The following N4BP2 variants were observed in gnomAD, a reference collection of about 807,000 sequenced individuals.
N4BP2 encodes the protein NEDD4-binding protein 2.
Under a neutral mutation model 152.8 loss-of-function variants are expected in N4BP2, and 91 were observed. That is an observed-to-expected ratio of 0.60 (90% CI 0.50 to 0.71). N4BP2 has a LOEUF of 0.71. Among genes scored for constraint, N4BP2 ranks in the 30% least tolerant of loss-of-function variants. The probability of loss-of-function intolerance (pLI) is 0.00; values close to 1 mark genes in which losing one functional copy is unlikely to be tolerated. For synonymous variants in N4BP2, 646 were observed against 705.3 expected (o/e 0.92, Z 1.33); for missense variants, 1,923 against 2,059.1 (o/e 0.93, Z 1.28).
chr4:40,128,273 T>C (rs1401699767), intron 12 of N4BP2, among the ~76,000 whole-genome samples: 3 of 152,230 alleles, frequency 2.0e-5, no homozygotes, highest in Admixed American at 6.5e-5. Context: ...CACTTTCTTA[T>C]TCGTTTGACT....
chr4:40,091,981 C>CA lies in N4BP2; in HGVS notation c.-114-5220dup, dbSNP rs1189250112. ...TGGGTGATAGAGCAAGACCTTGTGT[C>CA]AAAAAAAAAAAAAAAAAAAAAAAAA... On this transcript the variant is annotated intron_variant, in intron 2 of 17. Transcript: ENST00000261435. 8.2e-3 allele frequency among the ~76,000 whole-genome samples: 164 copies of CA among 20,014 alleles called. 23 individuals are homozygous for CA. The highest frequency in any genetic ancestry group is 0.012 in the African/African-American group (65 of 5,252). 13.1% of individuals were successfully genotyped at this position (20,014 alleles called of 152,430 possible).
the N4BP2 span, among the ~76,000 whole-genome samples, chr4:40,183,100 T>C: frequency 2.3e-4 from 35 of 152,328 alleles, no homozygotes; most frequent in African/African-American, 6.7e-4. Flanking sequence ...TGCTTCCTCA[T>C]AGTCTTTGGA....
chr4:40,137,112 G>T, intron 14 of N4BP2, 30 bp downstream of exon 14: 1 of 1,538,894 alleles, frequency 6.5e-7, no homozygotes, highest in Non-Finnish European at 8.8e-7. Flanking sequence ...TTTTCTACAA[G>T]GGTAGATAAT....
At chr4:40,078,320 T>C (rs1288595822) in intron 2 of N4BP2, among the ~76,000 whole-genome samples, 2 of 152,016 alleles carry the variant, frequency 1.3e-5, no homozygotes, top group East Asian at 1.9e-4. Context: ...GTATCTTTAG[T>C]AGAGACAGGG....
At chr4:40,148,797 C>G (rs977296937) in intron 16 of N4BP2, among the ~76,000 whole-genome samples, 1 of 152,214 alleles carries the variant, frequency 6.6e-6, no homozygotes, top group Non-Finnish European at 1.5e-5. Flanking sequence ...GCCTGAGCCA[C>G]TGTGCCTGGT....
chr4:40,087,602 G>C (rs1714103955), intron 2 of N4BP2, among the ~76,000 whole-genome samples: 1 of 151,934 alleles, frequency 6.6e-6, no homozygotes, highest in African/African-American at 2.4e-5. Context: ...GGCCTCAAAT[G>C]ATCTGCCCAC....
intron 16 of N4BP2, among the ~76,000 whole-genome samples, chr4:40,148,628 C>A (rs935227141): frequency 6.6e-6 from 1 of 152,002 alleles, no homozygotes; most frequent in African/African-American, 2.4e-5. Context: ...CAGGATTTTC[C>A]CCTTTTAAAA....
At chr4:40,085,452 T>A (rs1281980316) in intron 2 of N4BP2, among the ~76,000 whole-genome samples, 1 of 152,126 alleles carries the variant, frequency 6.6e-6, no homozygotes, top group Non-Finnish European at 1.5e-5. Context: ...TTGATAGGAT[T>A]TATTTTTTAT....
Position 40,102,182 on chromosome 4 carries a change from G to T in N4BP2, c.337G>T (p.Glu113Ter). 2 of 1,613,876 alleles carry T rather than the reference G, an allele frequency of 1.2e-6. No homozygotes were observed. Among genetic ancestry groups the T allele is most frequent in the Non-Finnish European group, 1.7e-6 (2 of 1,179,896 alleles). ...VASENQVGAAESKIMEKRPEE... is the reference protein window; with the variant it reads ...VASENQVGAA ...TTCTGAGAACCAAGTAGGTGCAGCA[G>T]AAAGTAAAATAATGGAAAAACGTCC... Residue 113 changes from glutamate (E) to a stop codon, truncating the protein, a stop_gained, in exon 4 of 18, where the codon GAA becomes TAA. Coordinates refer to ENST00000261435, the MANE Select transcript of N4BP2 (RefSeq NM_018177.6). LOFTEE classifies it high-confidence loss of function.
intron 5 of N4BP2, among the ~76,000 whole-genome samples, chr4:40,107,947 A>T (rs1198231347): frequency 6.7e-6 from 1 of 148,650 alleles, no homozygotes; most frequent in African/African-American, 2.5e-5. Flanking sequence ...TTTTTGACAC[A>T]GTATCTCGCT....
chr4:40,080,716 G>A (rs1713273480), intron 2 of N4BP2, among the ~76,000 whole-genome samples: 1 of 151,780 alleles, frequency 6.6e-6, no homozygotes, highest in Admixed American at 6.6e-5. Context: ...GGAGTGCAGT[G>A]GCGTGATCTT....
intron 3 of N4BP2, 74 bp downstream of exon 3, chr4:40,097,643 A>G (rs556708092): frequency 8.3e-5 from 67 of 807,982 alleles, no homozygotes; most frequent in Non-Finnish European, 1.2e-4. Flanking sequence ...ATTAATAGTA[A>G]TATAGAAAAA....
chr4:40,092,011 TATATATATA>T (rs1714632317), intron 2 of N4BP2, among the ~76,000 whole-genome samples: 1 of 30,200 alleles, frequency 3.3e-5, no homozygotes, highest in Admixed American at 3.8e-4. Flanking sequence ...AAAAAAATTA[TATATATATA>T]TATATATATA....
At chr4:40,080,824 ATT>A (rs34784076) in intron 2 of N4BP2, among the ~76,000 whole-genome samples, 2 of 135,618 alleles carry the variant, frequency 1.5e-5, no homozygotes, top group African/African-American at 2.7e-5. Flanking sequence ...CGCCTGGCTA[ATT>A]TTTTTTTTTT....
chr4:40,122,970 CAT>C (rs748893657), intron 9 of N4BP2, among the ~76,000 whole-genome samples, 155 bp from the exon 10 acceptor site: 3 of 152,138 alleles, frequency 2.0e-5, no homozygotes, highest in Non-Finnish European at 4.4e-5. Flanking sequence ...TAGCATATAA[CAT>C]AAATAGAAAT....
At chr4:40,115,035 T>G (rs181357527) in intron 7 of N4BP2, among the ~76,000 whole-genome samples, 145 of 152,354 alleles carry the variant, frequency 9.5e-4, no homozygotes, top group African/African-American at 3.3e-3. Context: ...AGTCTCAGCT[T>G]TATTTGAACT....
At chr4:40,150,266 C>T (rs1412484127) in intron 16 of N4BP2, among the ~76,000 whole-genome samples, 1 of 152,194 alleles carries the variant, frequency 6.6e-6, no homozygotes, top group Admixed American at 6.5e-5. Flanking sequence ...AAACTAGGAG[C>T]AGATCAAACC....
chr4:40,099,981 AAT>A, intron 3 of N4BP2: 1 of 408,890 alleles, frequency 2.4e-6, no homozygotes, highest in South Asian at 1.7e-5. Context: ...ATGATCTCCT[AAT>A]TGGTCTCTGC....
At chr4:40,139,140 T>A (rs1296452358) in intron 14 of N4BP2, among the ~76,000 whole-genome samples, 3 of 152,234 alleles carry the variant, frequency 2.0e-5, no homozygotes, top group African/African-American at 7.2e-5. Context: ...TTAAGTTTAT[T>A]TCTAAATACA....
Sources: allele counts gnomAD v4.1 joint callset (sites outside exome capture counted in the v4.1 genomes callset), GRCh38; gene constraint gnomAD v4.1.1; transcripts MANE v1.5; gene names NCBI Gene and HGNC (gene_info 2026-07-23, HGNC 2026-07-21).